The following SRPK2 variants were observed in gnomAD, a reference collection of about 807,000 sequenced individuals.
SRPK2 encodes SRSF protein kinase 2.
In SRPK2, 21 loss-of-function variants were observed where a neutral mutation model predicts 90.8. That is an observed-to-expected ratio of 0.23 (90% CI 0.16 to 0.33). SRPK2 has a LOEUF of 0.33. Among genes scored for constraint, SRPK2 ranks in the 10% least tolerant of loss-of-function variants. SRPK2 has a pLI of 1.00. For synonymous variants in SRPK2, 288 were observed against 311.1 expected, an observed-to-expected ratio of 0.93 and a Z score of 0.78; for missense variants, 620 against 869.0, an observed-to-expected ratio of 0.71 and a Z score of 3.60.
intron 1 of SRPK2, among the ~76,000 whole-genome samples, chr7:105,396,869 GAAGGAAGGAAGGA>G (rs1488275231): frequency 6.6e-6 from 1 of 151,434 alleles, no homozygotes; most frequent in Admixed American, 6.6e-5. Flanking sequence ...AGGGAGGAAG[GAAGGAAGGAAGGA>G]AAGGAAGGAA....
intron 3 of SRPK2, among the ~76,000 whole-genome samples, chr7:105,191,458 C>A (rs1794269805): frequency 6.6e-6 from 1 of 152,174 alleles, no homozygotes; most frequent in South Asian, 2.1e-4. Context: ...GTAGTCCCAG[C>A]TACTCAGGAG....
At chr7:105,301,803 G>T (rs768520067) in intron 2 of SRPK2, 43 of 1,561,654 alleles carry the variant, frequency 2.8e-5, no homozygotes, top group Middle Eastern at 4.5e-4. Context: ...TCTTGGAACC[G>T]CTATGACCTG....
chr7:105,327,898 T>G (rs531609014), intron 2 of SRPK2, among the ~76,000 whole-genome samples: 1 of 152,334 alleles, frequency 6.6e-6, no homozygotes, highest in South Asian at 2.1e-4. Flanking sequence ...CCTCGCAGGT[T>G]CACGCCATTC....
chr7:105,244,687 C>A, intron 2 of SRPK2: 4 of 1,149,310 alleles, frequency 3.5e-6, no homozygotes, highest in South Asian at 1.3e-5. Flanking sequence ...TGGGCCTCAA[C>A]AAGGGCCAAA....
intron 2 of SRPK2, among the ~76,000 whole-genome samples, chr7:105,248,679 G>A (rs541985798): frequency 2.6e-5 from 4 of 152,168 alleles, no homozygotes; most frequent in South Asian, 2.1e-4. Flanking sequence ...GATGGCTCAC[G>A]CCTGTAATCC....
chr7:105,245,089 A>G (rs1354967530), intron 2 of SRPK2: 2 of 577,852 alleles, frequency 3.5e-6, no homozygotes, highest in Admixed American at 5.8e-5. Flanking sequence ...TTTTCTTAGT[A>G]TTTCCTAACC....
At position 105,310,537 on chromosome 7, in the gene SRPK2, G is replaced by A. The variant is rs148385708; in HGVS notation, c.71+78111C>T. On this transcript the variant is annotated intron_variant, in intron 2 of 15. Transcript: ENST00000393651. Reference sequence around the variant, plus strand: ...CACACTCCTGTAGTTCCAGCTACTCGAGAGACTAAGGAGAGAGGATTGTTT... The same window carrying A: ...CACACTCCTGTAGTTCCAGCTACTCAAGAGACTAAGGAGAGAGGATTGTTT... 5.6e-4 allele frequency among the ~76,000 whole-genome samples: 85 copies of A among 152,164 alleles called. No individual in the cohort carries two copies. In the East Asian group the frequency reaches 0.01, roughly 18 times the overall value.
chr7:105,386,860 T>C (rs568081760), intron 2 of SRPK2, among the ~76,000 whole-genome samples: 4 of 152,314 alleles, frequency 2.6e-5, no homozygotes, highest in Admixed American at 6.5e-5. Flanking sequence ...GGTGTGTTAT[T>C]TTCCCCCTCA....
intron 2 of SRPK2, among the ~76,000 whole-genome samples, chr7:105,289,360 TA>T (rs1808642066): frequency 6.6e-6 from 1 of 152,144 alleles, no homozygotes; most frequent in Non-Finnish European, 1.5e-5. Context: ...AGTGTATACT[TA>T]AAAATAAAGA....
intron 7 of SRPK2, among the ~76,000 whole-genome samples, chr7:105,146,889 T>C (rs1804702640): frequency 6.6e-6 from 1 of 152,156 alleles, no homozygotes; most frequent in Admixed American, 6.5e-5. Context: ...TGGAAGCAAA[T>C]GCATCTACAT....
intron 2 of SRPK2, among the ~76,000 whole-genome samples, chr7:105,223,700 C>G (rs1210948317): frequency 6.6e-6 from 1 of 152,190 alleles, no homozygotes; most frequent in Non-Finnish European, 1.5e-5. Context: ...CCACATACAT[C>G]TCTCTCCTTG....
intron 2 of SRPK2, chr7:105,204,629 AG>A: frequency 1.3e-6 from 1 of 785,716 alleles, no homozygotes; most frequent in Non-Finnish European, 2.0e-6. Context: ...GGTTGCTCTG[AG>A]GGTCAGTTGC....
intron 3 of SRPK2, among the ~76,000 whole-genome samples, chr7:105,184,013 T>C (rs1793244879): frequency 1.4e-5 from 2 of 139,558 alleles, no homozygotes; most frequent in South Asian, 4.7e-4. Flanking sequence ...AGTCTCTCTG[T>C]TGTGCAGGCT....
At chr7:105,288,933 T>C (rs1037260649) in intron 2 of SRPK2, among the ~76,000 whole-genome samples, 19 of 151,952 alleles carry the variant, frequency 1.3e-4, no homozygotes, top group Non-Finnish European at 2.6e-4. Flanking sequence ...ATAACGAAGC[T>C]TTCAGAAATT....
chr7:105,223,604 G>C (rs188853671), intron 2 of SRPK2, among the ~76,000 whole-genome samples: 2 of 152,218 alleles, frequency 1.3e-5, no homozygotes, highest in East Asian at 3.9e-4. Flanking sequence ...AGCACCTCCC[G>C]GGGTTCCTCT....
At chr7:105,293,061 G>C (rs1192109113) in intron 2 of SRPK2, among the ~76,000 whole-genome samples, 1 of 152,062 alleles carries the variant, frequency 6.6e-6, no homozygotes, top group East Asian at 1.9e-4. Flanking sequence ...GGGGGAGGAG[G>C]GAGGGGGGCG....
At chr7:105,262,095 G>A (rs1160760475) in intron 2 of SRPK2, among the ~76,000 whole-genome samples, 1 of 152,152 alleles carries the variant, frequency 6.6e-6, no homozygotes, top group East Asian at 1.9e-4. Flanking sequence ...TTTGTGTTCT[G>A]AAAGGTTTGC....
intron 2 of SRPK2, among the ~76,000 whole-genome samples, chr7:105,205,496 TTCTCTC>T (rs57970307): frequency 9.4e-5 from 13 of 137,850 alleles, no homozygotes; most frequent in East Asian, 8.7e-4. Context: ...ATAATATTCA[TTCTCTC>T]TCTCTCTCTC....
intron 15 of SRPK2, chr7:105,125,865 G>GCTATGTGC: frequency 7.7e-7 from 1 of 1,303,914 alleles, no homozygotes; most frequent in Non-Finnish European, 1.0e-6. Context: ...AATGATCAAT[G>GCTATGTGC]CTATGTGATC....
Sources: gnomAD v4.1 joint callset for allele counts (sites outside exome capture counted in the v4.1 genomes callset) on GRCh38, gnomAD v4.1.1 for gene constraint, MANE v1.5 for transcripts, NCBI Gene and HGNC (gene_info 2026-07-23, HGNC 2026-07-21) for gene names.